The following TRIO variants were observed in gnomAD, a reference collection of about 807,000 sequenced individuals.
TRIO encodes the protein triple functional domain protein.
In TRIO, 58 loss-of-function variants were observed where a neutral mutation model predicts 351.9. That is an observed-to-expected ratio of 0.16 (90% CI 0.13 to 0.21). TRIO has a LOEUF of 0.21. TRIO is among the 10% of genes least tolerant of loss of function. TRIO has a pLI of 1.00. For synonymous variants in TRIO, 1,758 were observed against 1,595.7 expected (o/e 1.10, Z -2.42); for missense variants, 3,201 against 4,027.8 (o/e 0.79, Z 5.56).
chr5:14,187,438 G>T (rs1194742120), intron 1 of TRIO, among the ~76,000 whole-genome samples: 1 of 152,044 alleles, frequency 6.6e-6, no homozygotes, highest in Admixed American at 6.6e-5. Flanking sequence ...CATCTGTGTT[G>T]TGGGCTTTAT....
intron 11 of TRIO, among the ~76,000 whole-genome samples, chr5:14,353,763 T>A (rs535894791): frequency 6.6e-6 from 1 of 152,264 alleles, no homozygotes; most frequent in South Asian, 2.1e-4. Flanking sequence ...ATTTGAATGA[T>A]CGTTTATGGA....
chr5:14,243,771 A>G (rs1437649200), intron 1 of TRIO, among the ~76,000 whole-genome samples: 1 of 152,190 alleles, frequency 6.6e-6, no homozygotes, highest in Non-Finnish European at 1.5e-5. Flanking sequence ...TACATTTTTC[A>G]TGAGTTTTTG....
At position 14,304,553 on chromosome 5, in the gene TRIO, C is replaced by T; in HGVS notation, c.1461C>T (p.His487=). The change falls in exon 8 of 57, where the codon CAC becomes CAT. Residue 487 remains histidine, a synonymous_variant. Transcript: ENST00000344204. ...ACCTAGAAGATGCCATTCATCACCA[C>T]CAGGGAATATATGAACATATCACTC... ...LQDLEDAIHH[H]QGIYEHITLA... 6.2e-7 allele frequency: 1 copy of T among 1,614,026 alleles called. No homozygotes were observed. Among genetic ancestry groups the T allele is most frequent in the Non-Finnish European group, 8.5e-7 (1 of 1,179,974 alleles).
At chr5:14,326,163 C>A (rs552037720) in intron 9 of TRIO, among the ~76,000 whole-genome samples, 8 of 152,260 alleles carry the variant, frequency 5.3e-5, no homozygotes, top group Admixed American at 4.6e-4. Flanking sequence ...TCGCCCTACC[C>A]CTGGCTCACT....
chr5:14,400,844 A>C, intron 30 of TRIO, 119 bp from the exon 31 acceptor site: 1 of 779,572 alleles, frequency 1.3e-6, no homozygotes, highest in South Asian at 1.6e-5. Flanking sequence ...TGAGATCACT[A>C]GTGACGTTCT....
intron 41 of TRIO, among the ~76,000 whole-genome samples, chr5:14,477,509 C>T (rs1425100910): frequency 6.6e-5 from 10 of 152,088 alleles, no homozygotes; most frequent in Non-Finnish European, 8.8e-5. Context: ...GTTCAAGTAT[C>T]CAAACAAATC....
chr5:14,310,530 G>A (rs998692501), intron 8 of TRIO, among the ~76,000 whole-genome samples: 1 of 152,252 alleles, frequency 6.6e-6, no homozygotes, highest in Admixed American at 6.5e-5. Context: ...TTGAGCTCCT[G>A]TTTAAAGGCA....
At chr5:14,302,559 A>T (rs1737992165) in intron 7 of TRIO, among the ~76,000 whole-genome samples, 1 of 152,224 alleles carries the variant, frequency 6.6e-6, no homozygotes, top group Non-Finnish European at 1.5e-5. Context: ...CTCAGTTGAC[A>T]CTTAATGCCG....
At chr5:14,219,278 A>T (rs1218209905) in intron 1 of TRIO, among the ~76,000 whole-genome samples, 6 of 151,758 alleles carry the variant, frequency 4.0e-5, no homozygotes, top group Non-Finnish European at 7.4e-5. Flanking sequence ...TGACCAGATC[A>T]TTGTTTTCCT....
In TRIO at chr5:14,423,805, C is replaced by CAG. The variant is rs551456151; in HGVS notation, c.5203+3785_5203+3786insGA. Among the ~76,000 whole-genome samples, 27 of 152,236 alleles carry CAG rather than the reference C, an allele frequency of 1.8e-4. No individual in the cohort carries two copies. The South Asian group carries it at 3.7e-3, about 21-fold the overall frequency. On this transcript the variant is annotated intron_variant, in intron 34 of 56. Coordinates refer to ENST00000344204, the MANE Select transcript of TRIO (RefSeq NM_007118.4). ...CCCTGTCCTGGGGAGGGCCTTCCGT[C>CAG]ACCCTCCCCACTCAGGACATCTGGA...
Position 14,286,725 on chromosome 5 carries a change from G to C in TRIO, c.348-146G>C. 4 of 732,032 alleles carry C rather than the reference G, an allele frequency of 5.5e-6. No individual in the cohort carries two copies. Among genetic ancestry groups the C allele is most frequent in the Non-Finnish European group, 8.7e-6 (4 of 459,456 alleles). 45.3% of individuals were successfully genotyped at this position (732,032 alleles called of 1,614,324 possible). A position where few individuals can be genotyped will look rare whatever the true frequency, so the allele number is the denominator to read the frequency against. Reference sequence around the variant, plus strand: ...TATGGTACAAGGGAGGGACGAGAAGGAGCTGAGCACAGTGTGCTCCTTCCC... The same window carrying C: ...TATGGTACAAGGGAGGGACGAGAAGCAGCTGAGCACAGTGTGCTCCTTCCC... On this transcript the variant is annotated intron_variant, in intron 3 of 56. Transcript: ENST00000344204. The surrounding 1 kb of genome is among the most constrained non-coding windows in gnomAD (Gnocchi z 4.4).
At chr5:14,498,902 G>A (rs1450803337) in intron 53 of TRIO, 2 of 389,826 alleles carry the variant, frequency 5.1e-6, no homozygotes, top group African/African-American at 4.0e-5. Context: ...GGCCTGCCTG[G>A]TGAAGGCCTC....
chr5:14,324,544 G>T, intron 9 of TRIO, among the ~76,000 whole-genome samples: 1 of 152,204 alleles, frequency 6.6e-6, no homozygotes, highest in East Asian at 1.9e-4. Flanking sequence ...AGTTTTTCAA[G>T]TAGCAATTCT....
chr5:14,180,982 G>A (rs923042757), intron 1 of TRIO, among the ~76,000 whole-genome samples: 2 of 152,074 alleles, frequency 1.3e-5, no homozygotes, highest in African/African-American at 2.4e-5. Context: ...AAAAGTTAAG[G>A]TATAAAGAAC....
chr5:14,145,819 C>G (rs1034542416), intron 1 of TRIO, among the ~76,000 whole-genome samples: 2 of 152,196 alleles, frequency 1.3e-5, no homozygotes, highest in Admixed American at 6.5e-5. Context: ...GTTGGCGTGG[C>G]TCTCTCCAGG....
chr5:14,346,254 C>T (rs1742405221), intron 11 of TRIO, among the ~76,000 whole-genome samples: 2 of 152,194 alleles, frequency 1.3e-5, no homozygotes, highest in South Asian at 4.1e-4. Flanking sequence ...TGATGAACGA[C>T]AAGCAGAAAG....
intron 1 of TRIO, among the ~76,000 whole-genome samples, chr5:14,255,049 C>T (rs1794953980): frequency 6.6e-6 from 1 of 152,042 alleles, no homozygotes; most frequent in Non-Finnish European, 1.5e-5. Context: ...GTTTAGAATC[C>T]AAAATTGATT....
intron 34 of TRIO, among the ~76,000 whole-genome samples, chr5:14,434,271 C>T (rs1363690846): frequency 2.6e-5 from 4 of 152,152 alleles, no homozygotes; most frequent in Non-Finnish European, 5.9e-5. Flanking sequence ...ATTCTTTTGT[C>T]CCACAAAAGT....
intron 2 of TRIO, among the ~76,000 whole-genome samples, chr5:14,273,712 C>A (rs1735238140): frequency 6.6e-6 from 1 of 152,190 alleles, no homozygotes; most frequent in African/African-American, 2.4e-5. Flanking sequence ...CGTAAAAATG[C>A]CCTGTAGTTT....
Sources: gnomAD v4.1 joint callset for allele counts (sites outside exome capture counted in the v4.1 genomes callset) on GRCh38, gnomAD v4.1.1 for gene constraint, Gnocchi (gnomAD v3.1) non-coding constraint, MANE v1.5 for transcripts, NCBI Gene and HGNC (gene_info 2026-07-23, HGNC 2026-07-21) for gene names.